Variants in YARS1 observed in about 807,000 individuals in gnomAD.
YARS1 encodes tyrosine--tRNA ligase, cytoplasmic.
Under a neutral mutation model 62.2 loss-of-function variants are expected in YARS1, and 36 were observed. That is an observed-to-expected ratio of 0.58 (90% CI 0.44 to 0.76). The LOEUF is 0.76. Among genes scored for constraint, YARS1 ranks in the 30% least tolerant of loss-of-function variants. The probability of loss-of-function intolerance (pLI) is 0.00; values close to 1 mark genes in which losing one functional copy is unlikely to be tolerated. For synonymous variants in YARS1, 234 were observed against 244.9 expected, an observed-to-expected ratio of 0.96 and a Z score of 0.42; for missense variants, 524 against 639.8, an observed-to-expected ratio of 0.82 and a Z score of 1.95.
In YARS1 at chr1:32,786,422, T is replaced by C. The variant is rs1358837336; in HGVS notation, c.846A>G (p.Lys282=). 1.9e-6 allele frequency: 3 copies of C among 1,614,050 alleles called. No homozygotes were observed. Among genetic ancestry groups the C allele is most frequent in the Admixed American group, 1.7e-5 (1 of 59,990 alleles). ...KSEFVILRDE[K]WGGNKTYTAY... ...CTGTGTAGGTTTTGTTTCCACCCCATTTCTCATCTCGTAGGATCACAAACT... is the reference window on the plus strand; with the variant it reads ...CTGTGTAGGTTTTGTTTCCACCCCACTTCTCATCTCGTAGGATCACAAACT... Residue 282 remains lysine, a synonymous_variant, in exon 8 of 13, where the codon AAA becomes AAG. Transcript: ENST00000373477.
chr1:32,795,214 G>A (rs1218324231), intron 5 of YARS1, among the ~76,000 whole-genome samples: 1 of 145,128 alleles, frequency 6.9e-6, no homozygotes, highest in African/African-American at 2.6e-5. Flanking sequence ...AGCTACTTGG[G>A]AAGCTGAGGC....
At chr1:32,785,950 G>A (rs1653212383) in intron 8 of YARS1, among the ~76,000 whole-genome samples, 1 of 150,650 alleles carries the variant, frequency 6.6e-6, no homozygotes. Context: ...GTGAAAAACA[G>A]AATGGTTGTA....
intron 4 of YARS1, chr1:32,798,074 G>A: frequency 4.3e-6 from 2 of 469,110 alleles, no homozygotes; most frequent in Non-Finnish European, 7.8e-6. Flanking sequence ...GTTTTGCCAT[G>A]TTGCCCAGGC....
In YARS1 at chr1:32,780,122, CTCTCATCTTCTGGGGTTT is replaced by C; in HGVS notation, c.1279_1296del (p.Lys427_Arg432del). On this transcript the variant is annotated inframe_deletion, in exon 11 of 13. Transcript: ENST00000373477. ...AGAAGCATGCCTTGGGACTCGACTC[CTCTCATCTTCTGGGGTTT>C]CAGGTTGCACAGCACCACTACCAGC... 6.2e-7 allele frequency: 1 copy of C among 1,614,128 alleles called. No individual in the cohort carries two copies. Among genetic ancestry groups the C allele is most frequent in the South Asian group, 1.1e-5 (1 of 91,070 alleles).
intron 5 of YARS1, among the ~76,000 whole-genome samples, chr1:32,795,002 CAAAAAAAAA>C (rs71278770): frequency 8.7e-5 from 2 of 22,888 alleles, no homozygotes; most frequent in Non-Finnish European, 1.5e-4. Context: ...GACTCTGTCT[CAAAAAAAAA>C]AAAAAAAAAA....
At chr1:32,804,780 C>A (rs1638410860) in intron 4 of YARS1, among the ~76,000 whole-genome samples, 1 of 152,080 alleles carries the variant, frequency 6.6e-6, no homozygotes, top group African/African-American at 2.4e-5. Context: ...CTCCTCACAT[C>A]CCAGACGATG....
chr1:32,810,258 A>T (rs377550458), intron 3 of YARS1, among the ~76,000 whole-genome samples: 1 of 152,098 alleles, frequency 6.6e-6, no homozygotes, highest in Non-Finnish European at 1.5e-5. Context: ...CATTTCTTTT[A>T]TTATTATTTG....
intron 4 of YARS1, among the ~76,000 whole-genome samples, chr1:32,803,574 T>C (rs1452682000): frequency 6.6e-6 from 1 of 152,186 alleles, no homozygotes; most frequent in Non-Finnish European, 1.5e-5. Flanking sequence ...TCAACTTCTC[T>C]CTAGCTACGA....
At chr1:32,794,405 T>C (rs1653507231) in intron 5 of YARS1, among the ~76,000 whole-genome samples, 1 of 152,150 alleles carries the variant, frequency 6.6e-6, no homozygotes, top group South Asian at 2.1e-4. Flanking sequence ...TTATTTTATT[T>C]TTGAGACAAG....
intron 4 of YARS1, among the ~76,000 whole-genome samples, chr1:32,800,993 T>C (rs942620662): frequency 6.6e-6 from 1 of 152,218 alleles, no homozygotes; most frequent in Non-Finnish European, 1.5e-5. Flanking sequence ...CATGCTCAAA[T>C]TTATTTTCAC....
intron 4 of YARS1, chr1:32,798,161 C>T (rs760371167): frequency 7.3e-5 from 26 of 358,490 alleles, no homozygotes; most frequent in Non-Finnish European, 1.3e-4. Flanking sequence ...CGAGAGCCAC[C>T]ATGCCCAGCC....
intron 9 of YARS1, chr1:32,781,978 T>A (rs1268490390): frequency 9.7e-6 from 2 of 206,110 alleles, no homozygotes; most frequent in African/African-American, 4.8e-5. Flanking sequence ...TATGCCTGGC[T>A]AATTTTTTTT....
intron 8 of YARS1, among the ~76,000 whole-genome samples, chr1:32,785,429 C>T (rs1336518920): frequency 1.3e-5 from 2 of 150,746 alleles, no homozygotes; most frequent in East Asian, 4.0e-4. Context: ...CCACTGCACT[C>T]CAGCCTAGGC....
Position 32,776,469 on chromosome 1 carries a change from T to A in YARS1, c.1477-378A>T, listed in dbSNP as rs1372405090. 6.6e-6 allele frequency among the ~76,000 whole-genome samples: 1 copy of A among 152,044 alleles called. No individual in the cohort carries two copies. The highest frequency in any genetic ancestry group is 1.5e-5 in the Non-Finnish European group (1 of 68,010). ...GCCTGAAAACTCTCTTATATACCAG[T>A]AGGGTAAGGTAAGCTGGCTCAGCTT... On this transcript the variant is annotated intron_variant, in intron 12 of 12. Transcript: ENST00000373477. This position sits in a 1 kb window ranked among gnomAD's most constrained non-coding sequence, Gnocchi z 4.0.
chr1:32,778,694 A>G (rs1569702841), intron 12 of YARS1, among the ~76,000 whole-genome samples: 1 of 145,942 alleles, frequency 6.9e-6, no homozygotes, highest in Non-Finnish European at 1.5e-5. Context: ...GGCGTGAGCC[A>G]CCACGCCCGG....
intron 6 of YARS1, among the ~76,000 whole-genome samples, chr1:32,788,382 T>A (rs768844549): frequency 5.9e-5 from 9 of 152,066 alleles, no homozygotes; most frequent in Non-Finnish European, 1.2e-4. Context: ...TCAAGAGGAG[T>A]TAGGACTACA....
chr1:32,786,219 T>C, intron 8 of YARS1, 143 bp downstream of exon 8: 1 of 807,208 alleles, frequency 1.2e-6, no homozygotes, highest in South Asian at 1.5e-5. Context: ...AAATGGACAC[T>C]AGTGAGATTA....
At chr1:32,796,371 GT>G (rs71006371) in intron 5 of YARS1, among the ~76,000 whole-genome samples, 2 of 146,952 alleles carry the variant, frequency 1.4e-5, no homozygotes, top group African/African-American at 5.0e-5. Flanking sequence ...TTTCTTTTTT[GT>G]TTTTTTTTTC....
chr1:32,787,313 G>C (rs1005904452), intron 6 of YARS1, among the ~76,000 whole-genome samples: 2 of 151,524 alleles, frequency 1.3e-5, no homozygotes, highest in African/African-American at 4.9e-5. Flanking sequence ...TTTTTGTAGA[G>C]ACAGGGTTTC....
Sources: allele counts gnomAD v4.1 joint callset (sites outside exome capture counted in the v4.1 genomes callset), GRCh38; gene constraint gnomAD v4.1.1; non-coding constraint Gnocchi (gnomAD v3.1); transcripts MANE v1.5; gene names NCBI Gene and HGNC (gene_info 2026-07-23, HGNC 2026-07-21).